Variants in MFN1 observed in about 807,000 individuals in gnomAD.
MFN1 encodes the protein mitofusin 1.
MFN1 carries 65 observed loss-of-function variants against 92.4 expected under a neutral mutation model. The ratio of observed to expected loss-of-function variants is 0.70; its 90% CI spans 0.58 to 0.86. MFN1 has a LOEUF of 0.86. MFN1 is among the 40% of genes least tolerant of loss of function. The pLI is 0.00. For synonymous variants in MFN1, 297 were observed against 300.9 expected (o/e 0.99, Z 0.13); for missense variants, 781 against 868.0 (o/e 0.90, Z 1.26).
chr3:179,377,690 T>C (rs892827161), intron 12 of MFN1, among the ~76,000 whole-genome samples: 1 of 152,142 alleles, frequency 6.6e-6, no homozygotes, highest in African/African-American at 2.4e-5. Flanking sequence ...TCTCAACACT[T>C]TGGGAGGCCG....
chr3:179,361,665 T>C (rs926627238), intron 4 of MFN1, among the ~76,000 whole-genome samples: 1 of 151,792 alleles, frequency 6.6e-6, no homozygotes. Flanking sequence ...GCCTCCCGAG[T>C]AGCTGAAATT....
Position 179,392,136 on chromosome 3 carries a change from A to G in MFN1, c.*77A>G, listed in dbSNP as rs1023226841. On this transcript the variant is annotated 3_prime_UTR_variant, in exon 18 of 18. Transcript: ENST00000471841. ...TTGGAACAGTTGTTATTTTTATGAA[A>G]TTACTTTAAATATGAATTGTACTAA... The G allele has an allele frequency of 9.8e-6, 9 of 918,246 alleles. No individual in the cohort carries two copies. In the African/African-American group the frequency reaches 1.3e-4, roughly 14 times the overall value. The allele number at this position is 918,246 out of a possible 1,614,324, so 56.9% of individuals were successfully genotyped here.
intron 5 of MFN1, 21 bp from the exon 6 acceptor site, chr3:179,364,276 T>A: frequency 6.6e-7 from 1 of 1,522,260 alleles, no homozygotes; most frequent in Non-Finnish European, 8.9e-7. Context: ...TATAATACAA[T>A]TTTTATTTCA....
At chr3:179,372,071 T>C (rs1016052287) in intron 9 of MFN1, among the ~76,000 whole-genome samples, 1 of 147,312 alleles carries the variant, frequency 6.8e-6, no homozygotes, top group Admixed American at 6.8e-5. Flanking sequence ...TATTATATAT[T>C]ATATAATACA....
At chr3:179,367,738 C>T in intron 8 of MFN1, 146 bp downstream of exon 8, 3 of 580,922 alleles carry the variant, frequency 5.2e-6, no homozygotes, top group Non-Finnish European at 5.4e-6. Flanking sequence ...GCCTGGCCAA[C>T]ATGGTGAAAC....
intron 9 of MFN1, among the ~76,000 whole-genome samples, chr3:179,372,358 A>G (rs1713057456): frequency 6.6e-6 from 1 of 151,702 alleles, no homozygotes; most frequent in East Asian, 1.9e-4. Context: ...TTTTAATTAC[A>G]TATATAAATT....
At chr3:179,381,921 A>G (rs1025450093) in intron 14 of MFN1, among the ~76,000 whole-genome samples, 5 of 152,182 alleles carry the variant, frequency 3.3e-5, no homozygotes, top group Admixed American at 6.5e-5. Flanking sequence ...GGGACACTCA[A>G]CCTGTAGTAT....
chr3:179,391,531 A>G (rs1320386751), intron 17 of MFN1, among the ~76,000 whole-genome samples: 2 of 152,144 alleles, frequency 1.3e-5, no homozygotes, highest in Admixed American at 1.3e-4. Context: ...ACACAGGAAT[A>G]AAGTAAAACA....
At chr3:179,390,609 T>A (rs1713862895) in intron 17 of MFN1, among the ~76,000 whole-genome samples, 1 of 152,196 alleles carries the variant, frequency 6.6e-6, no homozygotes, top group Non-Finnish European at 1.5e-5. Flanking sequence ...ATATATTATT[T>A]AGGGTCTAAT....
rs1381842065 is a variant in MFN1, at chr3:179,348,906, A to G, written c.55A>G (p.Thr19Ala). The G allele has an allele frequency of 1.9e-6, 3 of 1,607,438 alleles. No homozygotes were observed. Among genetic ancestry groups the G allele is most frequent in the Non-Finnish European group, 2.6e-6 (3 of 1,174,780 alleles). Reference sequence around the variant, plus strand: ...CTTTGTGCTGGCTAAGAAGGCGATTACTGCAATCTTTGACCAGTTACTGGA... The same window carrying G: ...CTTTGTGCTGGCTAAGAAGGCGATTGCTGCAATCTTTGACCAGTTACTGGA... ...KHFVLAKKAI[T>A]AIFDQLLEFV... The change falls in exon 2 of 18, where the codon ACT becomes GCT. Residue 19 changes from threonine (T) to alanine (A), a missense_variant. Physicochemically the swap from Thr to Ala is moderately conservative, Grantham distance 58. Transcript: ENST00000471841.
intron 9 of MFN1, among the ~76,000 whole-genome samples, chr3:179,371,817 A>G (rs1414166267): frequency 1.3e-5 from 2 of 151,992 alleles, no homozygotes; most frequent in Non-Finnish European, 2.9e-5. Context: ...GTATTGTCTC[A>G]ATGGTAAATA....
chr3:179,358,019 C>T (rs1712409887), intron 3 of MFN1, among the ~76,000 whole-genome samples: 1 of 152,144 alleles, frequency 6.6e-6, no homozygotes, highest in Non-Finnish European at 1.5e-5. Context: ...CCTTGCAGCA[C>T]AGCAGACTCG....
At chr3:179,360,598 G>A (rs1332361612) in intron 4 of MFN1, among the ~76,000 whole-genome samples, 1 of 151,568 alleles carries the variant, frequency 6.6e-6, no homozygotes, top group Admixed American at 6.6e-5. Flanking sequence ...GCAAAATGTT[G>A]ACTCTGGACT....
intron 16 of MFN1, 21 bp from the exon 17 acceptor site, chr3:179,389,983 C>T (rs771082897): frequency 6.3e-7 from 1 of 1,586,798 alleles, no homozygotes; most frequent in Non-Finnish European, 8.5e-7. Flanking sequence ...TTTATGACTG[C>T]TTCTAAATTT....
At chr3:179,371,859 A>T (rs1286990798) in intron 9 of MFN1, among the ~76,000 whole-genome samples, 4 of 151,874 alleles carry the variant, frequency 2.6e-5, no homozygotes, top group African/African-American at 9.7e-5. Flanking sequence ...GATTGTGCAA[A>T]TGTTTTCTTT....
Position 179,348,957 on chromosome 3 carries a change from G to T in MFN1, c.106G>T (p.Val36Phe). 2 of 1,584,662 alleles carry T rather than the reference G, an allele frequency of 1.3e-6. No homozygotes were observed. Among genetic ancestry groups the T allele is most frequent in the Non-Finnish European group, 1.7e-6 (2 of 1,157,620 alleles). ...LEFVTEGSHF[V>F]EATYKNPELD... The stretch of plus-strand genomic sequence containing the variant: ...GTTTGTTACTGAAGGATCACATTTT[G>T]TTGAAGGTTAGTTCTTCTTAAGTTT... The change falls in exon 2 of 18, where the codon GTT (valine) becomes TTT (phenylalanine). Residue 36 changes from valine to phenylalanine, a missense_variant. Val to Phe is a conservative substitution (Grantham distance 50, BLOSUM62 -1). Transcript: ENST00000471841.
intron 9 of MFN1, among the ~76,000 whole-genome samples, chr3:179,371,745 T>G (rs1416786065): frequency 6.6e-6 from 1 of 152,154 alleles, no homozygotes; most frequent in East Asian, 1.9e-4. Context: ...AGTGGATTTT[T>G]TTGTAATGGA....
At chr3:179,378,940 T>C in intron 14 of MFN1, 126 bp downstream of exon 14, 1 of 738,966 alleles carries the variant, frequency 1.4e-6, no homozygotes, top group African/African-American at 1.8e-5. Context: ...CTTAGAGCCA[T>C]TTCTGAGGTA....
chr3:179,382,326 G>T (rs572787428), intron 14 of MFN1, among the ~76,000 whole-genome samples: 1 of 152,168 alleles, frequency 6.6e-6, no homozygotes, highest in African/African-American at 2.4e-5. Context: ...GCAGTGTTTG[G>T]TTTTTTGTCC....
Sources: allele counts gnomAD v4.1 joint callset (sites outside exome capture counted in the v4.1 genomes callset), GRCh38; gene constraint gnomAD v4.1.1; transcripts MANE v1.5; gene names NCBI Gene and HGNC (gene_info 2026-07-23, HGNC 2026-07-21).